Variants in ITPR2 observed in about 807,000 individuals in gnomAD.
ITPR2 encodes inositol 1,4,5-trisphosphate receptor type 2, also known as inositol 1,4,5-trisphosphate-gated calcium channel ITPR2.
A neutral mutation model predicts 317.1 loss-of-function variants in ITPR2; 207 were observed. The ratio of observed to expected loss-of-function variants is 0.65; its 90% CI spans 0.58 to 0.73. ITPR2 has a LOEUF of 0.73. Among genes scored for constraint, ITPR2 ranks in the 30% least tolerant of loss-of-function variants. The pLI, the probability that ITPR2 is intolerant of heterozygous loss-of-function variation, is 0.00. For missense variants in ITPR2, 2,613 were observed against 3,284.0 expected, an observed-to-expected ratio of 0.80 and a Z score of 4.99; for synonymous variants, 1,156 against 1,149.1, an observed-to-expected ratio of 1.01 and a Z score of -0.12.
At chr12:26,806,010 G>A (rs1362933654) in intron 1 of ITPR2, among the ~76,000 whole-genome samples, 1 of 152,118 alleles carries the variant, frequency 6.6e-6, no homozygotes, top group African/African-American at 2.4e-5. Context: ...GGGGAAGAGA[G>A]AGACAGAAGT....
At chr12:26,479,385 A>T (rs1388095724) in intron 43 of ITPR2, among the ~76,000 whole-genome samples, 2 of 152,096 alleles carry the variant, frequency 1.3e-5, no homozygotes, top group Non-Finnish European at 2.9e-5. Flanking sequence ...TAAATAATCT[A>T]TATGCTTATA....
intron 24 of ITPR2, among the ~76,000 whole-genome samples, chr12:26,622,985 C>T (rs543837013): frequency 1.3e-5 from 2 of 152,292 alleles, no homozygotes; most frequent in East Asian, 1.9e-4. Context: ...TAGGAAAATA[C>T]AACACCACAA....
intron 54 of ITPR2, among the ~76,000 whole-genome samples, chr12:26,396,500 T>C (rs1286709224): frequency 1.3e-5 from 2 of 152,176 alleles, no homozygotes; most frequent in East Asian, 3.8e-4. Flanking sequence ...CCCTTCCTGC[T>C]TCTCCTCACA....
intron 55 of ITPR2, among the ~76,000 whole-genome samples, chr12:26,347,970 A>G (rs1326403129): frequency 6.6e-6 from 1 of 152,254 alleles, no homozygotes; most frequent in African/African-American, 2.4e-5. Flanking sequence ...CTGTGCATAC[A>G]GACTTGATGG....
intron 2 of ITPR2, among the ~76,000 whole-genome samples, chr12:26,739,000 A>G (rs1006372494): frequency 6.6e-6 from 1 of 152,252 alleles, no homozygotes; most frequent in Non-Finnish European, 1.5e-5. Context: ...ATACAATCCA[A>G]TAAGATTTAA....
At chr12:26,732,922 A>G (rs1949049686) in intron 2 of ITPR2, among the ~76,000 whole-genome samples, 1 of 152,214 alleles carries the variant, frequency 6.6e-6, no homozygotes, top group Non-Finnish European at 1.5e-5. Flanking sequence ...AAAAGTTATC[A>G]TTTTTATTAC....
intron 22 of ITPR2, 31 bp from the exon 23 acceptor site, chr12:26,628,193 T>C (rs768258606): frequency 6.5e-7 from 1 of 1,547,928 alleles, no homozygotes; most frequent in Non-Finnish European, 8.8e-7. Context: ...AACATAAATT[T>C]CTTTCATTAG....
intron 43 of ITPR2, among the ~76,000 whole-genome samples, chr12:26,479,990 T>C (rs1451137010): frequency 1.3e-5 from 2 of 152,224 alleles, no homozygotes; most frequent in East Asian, 1.9e-4. Flanking sequence ...GTACTTTCCA[T>C]TGTACTACCC....
chr12:26,349,427 G>A (rs1938411174), intron 55 of ITPR2, among the ~76,000 whole-genome samples: 2 of 152,122 alleles, frequency 1.3e-5, no homozygotes, highest in South Asian at 4.1e-4. Flanking sequence ...TGTGTGGATT[G>A]AGAAATTTGA....
Position 26,715,829 on chromosome 12 carries a change from CATTCA to C in ITPR2, c.626_630del (p.Val209GlyfsTer17). 6.2e-7 allele frequency: 1 copy of C among 1,602,434 alleles called. No homozygotes were observed. Among genetic ancestry groups the C allele is most frequent in the Non-Finnish European group, 8.5e-7 (1 of 1,170,084 alleles). ...TTCCAGCTGGTGTTGCAATTGACAG[CATTCA>C]CCTATTAATGAAGAAACGTTCAAAG... On this transcript the variant is annotated frameshift_variant and splice_region_variant, in exon 7 of 57. Coordinates refer to ENST00000381340, the MANE Select transcript of ITPR2 (RefSeq NM_002223.4). LOFTEE classifies it high-confidence loss of function.
intron 55 of ITPR2, among the ~76,000 whole-genome samples, chr12:26,350,465 T>C (rs938963419): frequency 3.3e-5 from 5 of 152,174 alleles, no homozygotes; most frequent in African/African-American, 9.7e-5. Flanking sequence ...GCATGCCAGA[T>C]GGTGGCTCTT....
chr12:26,403,263 G>A (rs1940239486), intron 52 of ITPR2, among the ~76,000 whole-genome samples: 1 of 152,174 alleles, frequency 6.6e-6, no homozygotes, highest in Non-Finnish European at 1.5e-5. Flanking sequence ...AGAAGGGTGT[G>A]GGAGGTGAGA....
At chr12:26,340,498 G>C (rs905359646) in intron 55 of ITPR2, among the ~76,000 whole-genome samples, 170 bp from the exon 56 acceptor site, 2 of 152,196 alleles carry the variant, frequency 1.3e-5, no homozygotes, top group Admixed American at 6.5e-5. Flanking sequence ...TGGTCTTCAC[G>C]GGCTGGGGGA....
At chr12:26,669,861 C>T (rs1281896315) in intron 13 of ITPR2, among the ~76,000 whole-genome samples, 3 of 152,274 alleles carry the variant, frequency 2.0e-5, no homozygotes, top group East Asian at 1.9e-4. Flanking sequence ...TGCGCTTTTC[C>T]GACGGGCTTA....
chr12:26,516,279 AGGG>A (rs1390003744), intron 37 of ITPR2, among the ~76,000 whole-genome samples: 4 of 85,708 alleles, frequency 4.7e-5, no homozygotes, highest in African/African-American at 1.8e-4. Context: ...AAGGAAGGGA[AGGG>A]AAGGGAAAGG....
chr12:26,618,010 A>G (rs1223671041), intron 26 of ITPR2, among the ~76,000 whole-genome samples: 1 of 152,204 alleles, frequency 6.6e-6, no homozygotes, highest in African/African-American at 2.4e-5. Flanking sequence ...AAATAATATA[A>G]TCTTAATAGA....
rs776123763 is a variant in ITPR2 at position 26,632,078 on chromosome 12, G to GT, written c.2741-20dup. 1.3e-6 allele frequency: 2 copies of GT among 1,516,120 alleles called. No homozygotes were observed. The highest frequency in any genetic ancestry group is 2.3e-5 in the East Asian group (1 of 43,006). The allele number at this position is 1,516,120 out of a possible 1,614,324, so 93.9% of individuals were successfully genotyped here. ...TTGTTTCCTGGCATGAGAAAATGCC[G>GT]TAAGTCAACACACACAACCCCTGGA... On this transcript the variant is annotated intron_variant, in intron 21 of 56. Coordinates refer to ENST00000381340, the MANE Select transcript of ITPR2 (RefSeq NM_002223.4).
At chr12:26,464,105 C>G (rs1162025480) in intron 45 of ITPR2, among the ~76,000 whole-genome samples, 1 of 152,204 alleles carries the variant, frequency 6.6e-6, no homozygotes, top group Non-Finnish European at 1.5e-5. Context: ...TCTGTAGCAG[C>G]AGTCCCCAAC....
At chr12:26,771,021 C>T (rs867057512) in intron 2 of ITPR2, among the ~76,000 whole-genome samples, 41 of 152,096 alleles carry the variant, frequency 2.7e-4, no homozygotes, top group Non-Finnish European at 1.3e-4. Context: ...CTTCTGTGTG[C>T]GCCTTCTATT....
Sources: allele counts gnomAD v4.1 joint callset (sites outside exome capture counted in the v4.1 genomes callset), GRCh38; gene constraint gnomAD v4.1.1; transcripts MANE v1.5; gene names NCBI Gene and HGNC (gene_info 2026-07-23, HGNC 2026-07-21).